The following TMC1 variants were observed in gnomAD, a reference collection of about 807,000 sequenced individuals.
The protein encoded by TMC1 is transmembrane channel-like protein 1.
In TMC1, 84 loss-of-function variants were observed where a neutral mutation model predicts 105.8. The observed-to-expected ratio is 0.79, with a 90% CI of 0.67 to 0.95. The LOEUF is 0.95. Ranked by LOEUF, TMC1 falls within the 40% of genes least tolerant of loss-of-function variation. The pLI is 0.00. For missense variants in TMC1, 817 were observed against 914.1 expected, an observed-to-expected ratio of 0.89 and a Z score of 1.37; for synonymous variants, 315 against 311.5, an observed-to-expected ratio of 1.01 and a Z score of -0.12.
intron 12 of TMC1, among the ~76,000 whole-genome samples, chr9:72,761,514 T>C (rs1827754890): frequency 1.3e-5 from 2 of 152,164 alleles, no homozygotes; most frequent in South Asian, 4.1e-4. Flanking sequence ...ATGTGGGAGA[T>C]AGAAGATATC....
chr9:72,713,007 C>T (rs574193216), intron 8 of TMC1, among the ~76,000 whole-genome samples: 3 of 152,216 alleles, frequency 2.0e-5, no homozygotes, highest in East Asian at 1.9e-4. Context: ...TTGTTGAAGG[C>T]CTTTTCTGCA....
chr9:72,797,630 A>G (rs1219647563), intron 17 of TMC1, among the ~76,000 whole-genome samples: 1 of 152,200 alleles, frequency 6.6e-6, no homozygotes, highest in African/African-American at 2.4e-5. Flanking sequence ...AATATTTCCT[A>G]TTTAATAAAT....
chr9:72,530,516 G>T (rs1245869847), intron 1 of TMC1, among the ~76,000 whole-genome samples: 1 of 151,924 alleles, frequency 6.6e-6, no homozygotes, highest in Non-Finnish European at 1.5e-5. Flanking sequence ...CTTGAACCCG[G>T]GAGGTGGAGG....
At chr9:72,835,664 T>C (rs1294688791) in intron 23 of TMC1, among the ~76,000 whole-genome samples, 2 of 146,916 alleles carry the variant, frequency 1.4e-5, no homozygotes, top group Non-Finnish European at 3.1e-5. Context: ...ATATAAAATA[T>C]TCATCACATA....
chr9:72,720,578 T>G, intron 8 of TMC1, among the ~76,000 whole-genome samples: 1 of 152,170 alleles, frequency 6.6e-6, no homozygotes, highest in South Asian at 2.1e-4. Context: ...AGGTACAAGC[T>G]CCATTGGAAT....
chr9:72,589,102 G>A (rs1291956479), intron 2 of TMC1, among the ~76,000 whole-genome samples: 4 of 152,082 alleles, frequency 2.6e-5, no homozygotes, highest in African/African-American at 9.7e-5. Flanking sequence ...TGGAGTTTGG[G>A]GAATGAGCTT....
intron 1 of TMC1, among the ~76,000 whole-genome samples, chr9:72,554,481 CTA>C (rs1370611342): frequency 2.6e-5 from 4 of 152,124 alleles, no homozygotes; most frequent in Non-Finnish European, 4.4e-5. Flanking sequence ...CAGGGCAAAA[CTA>C]TGTGTTTTTT....
intron 5 of TMC1, among the ~76,000 whole-genome samples, chr9:72,650,899 T>TATATATATATATATATAA: frequency 7.0e-6 from 1 of 142,920 alleles, no homozygotes; most frequent in Non-Finnish European, 1.5e-5. Flanking sequence ...TAGATATATA[T>TATATATATATATATATAA]ATAAATATAT....
At chr9:72,774,204 T>C (rs1267083887) in intron 13 of TMC1, among the ~76,000 whole-genome samples, 36 of 152,214 alleles carry the variant, frequency 2.4e-4, no homozygotes, top group South Asian at 2.1e-4. Context: ...ATAAATGATT[T>C]TCTGGCAGAT....
chr9:72,689,124 T>C (rs1159644723), intron 6 of TMC1, among the ~76,000 whole-genome samples: 2 of 152,124 alleles, frequency 1.3e-5, no homozygotes, highest in African/African-American at 4.8e-5. Flanking sequence ...AAAGTGTGGA[T>C]AGCAGTGTAG....
intron 4 of TMC1, among the ~76,000 whole-genome samples, chr9:72,637,857 G>C (rs1825560238): frequency 6.6e-6 from 1 of 152,228 alleles, no homozygotes; most frequent in African/African-American, 2.4e-5. Flanking sequence ...AAGCACAAGA[G>C]AATTAGTATT....
At chr9:72,701,765 A>G (rs948967693) in intron 8 of TMC1, among the ~76,000 whole-genome samples, 61 of 152,122 alleles carry the variant, frequency 4.0e-4, no homozygotes, top group African/African-American at 1.1e-3. Context: ...AAGATATTCT[A>G]TATCTTCTCT....
At chr9:72,660,946 C>T (rs1031546813) in intron 5 of TMC1, among the ~76,000 whole-genome samples, 8 of 151,992 alleles carry the variant, frequency 5.3e-5, no homozygotes, top group African/African-American at 9.7e-5. Flanking sequence ...GTCAGGAGAT[C>T]GAGACCATCC....
At chr9:72,817,202 C>T (rs1294093414) in intron 19 of TMC1, 1 of 152,134 alleles carries the variant, frequency 6.6e-6, no homozygotes, top group African/African-American at 2.4e-5. Context: ...ATCGTCCTGC[C>T]ATGGGATGAC....
intron 20 of TMC1, 147 bp downstream of exon 20, chr9:72,821,228 T>C: frequency 4.0e-6 from 5 of 1,252,540 alleles, no homozygotes; most frequent in Non-Finnish European, 5.8e-6. Context: ...GCGCAGTGGC[T>C]CATGCCTGTA....
chr9:72,605,199 A>G (rs1051074979), intron 2 of TMC1, among the ~76,000 whole-genome samples: 14 of 152,242 alleles, frequency 9.2e-5, no homozygotes, highest in African/African-American at 3.4e-4. Flanking sequence ...AATCCAAACA[A>G]CTGAGGGGTT....
chr9:72,541,018 G>A (rs1398204432), intron 1 of TMC1, among the ~76,000 whole-genome samples: 1 of 152,110 alleles, frequency 6.6e-6, no homozygotes, highest in African/African-American at 2.4e-5. Context: ...TTTGGATGTG[G>A]CCAGGTCCTG....
intron 17 of TMC1, among the ~76,000 whole-genome samples, chr9:72,795,739 C>G (rs1828353221): frequency 6.6e-6 from 1 of 152,046 alleles, no homozygotes; most frequent in Non-Finnish European, 1.5e-5. Context: ...ACCATACAAA[C>G]AAGCCAGCAT....
intron 8 of TMC1, among the ~76,000 whole-genome samples, chr9:72,739,473 A>G (rs181026946): frequency 3.0e-4 from 46 of 152,368 alleles, no homozygotes; most frequent in Non-Finnish European, 4.1e-4. Context: ...TATTATGCAT[A>G]CCAAAGAAAC....
Sources: allele counts gnomAD v4.1 joint callset (sites outside exome capture counted in the v4.1 genomes callset), GRCh38; gene constraint gnomAD v4.1.1; transcripts MANE v1.5; gene names NCBI Gene and HGNC (gene_info 2026-07-23, HGNC 2026-07-21).